The following MECOM variants were observed in gnomAD, a reference collection of about 807,000 sequenced individuals.
MECOM encodes histone-lysine N-methyltransferase MECOM.
MECOM carries 13 observed loss-of-function variants against 116.3 expected under a neutral mutation model. The observed-to-expected ratio is 0.11, with a 90% confidence interval of 0.07 to 0.18. The LOEUF (loss-of-function observed/expected upper bound fraction) is 0.18, where lower values mean the gene tolerates loss of function less well. MECOM is among the 10% of genes least tolerant of loss of function. MECOM has a pLI of 1.00. For synonymous variants in MECOM, 528 were observed against 535.2 expected (o/e 0.99, Z 0.19); for missense variants, 1,299 against 1,509.0 (o/e 0.86, Z 2.31).
chr3:169,445,985 C>T (rs965854937), intron 1 of MECOM, among the ~76,000 whole-genome samples: 5 of 152,142 alleles, frequency 3.3e-5, no homozygotes, highest in African/African-American at 1.2e-4. Context: ...ATACCTGTAC[C>T]CCCATTGTAG....
At position 169,494,756 on chromosome 3, in the gene MECOM, T is replaced by C. The variant is rs778835092; in HGVS notation, c.38-113232A>G. 1.6e-4 allele frequency among the ~76,000 whole-genome samples: 25 copies of C among 152,346 alleles called. No individual in the cohort carries two copies. The South Asian group carries it at 1.9e-3, about 11-fold the overall frequency. ...TTTGTAAAAGCTCCCAGTGTGGTGA[T>C]TCTGATTCATCTTTCTACTCCAAAC... On this transcript the variant is annotated intron_variant, in intron 1 of 16. Coordinates refer to ENST00000651503, the MANE Select transcript of MECOM (RefSeq NM_004991.4).
chr3:169,244,678 C>A (rs142949629), intron 2 of MECOM, among the ~76,000 whole-genome samples: 1 of 152,158 alleles, frequency 6.6e-6, no homozygotes, highest in Non-Finnish European at 1.5e-5. Context: ...ATTTGCAGAA[C>A]CTACCAGAGT....
rs1560341553 is a variant in MECOM at position 169,486,018 on chromosome 3, G to GCACA, written c.38-104495_38-104494insTGTG. On this transcript the variant is annotated intron_variant, in intron 1 of 16. Coordinates refer to ENST00000651503, the MANE Select transcript of MECOM (RefSeq NM_004991.4). ...ATGTATATATATACTATATATATAT[G>GCACA]TATATATAGTATATATATATATGTA... is the stretch of plus-strand genomic sequence containing the variant. Among the ~76,000 whole-genome samples the GCACA allele has an allele frequency of 6.1e-3, 612 of 99,994 alleles. 7 individuals are homozygous for GCACA. The highest frequency in any genetic ancestry group is 0.024 in the African/African-American group (582 of 24,752). 65.6% of individuals were successfully genotyped at this position (99,994 alleles called of 152,430 possible). A position where few individuals can be genotyped will look rare whatever the true frequency, so the allele number is the denominator to read the frequency against.
At chr3:169,550,165 T>C (rs1435647216) in intron 1 of MECOM, among the ~76,000 whole-genome samples, 1 of 152,172 alleles carries the variant, frequency 6.6e-6, no homozygotes, top group Admixed American at 6.5e-5. Flanking sequence ...TTACAGTTAT[T>C]ACAGTTTCTT....
At chr3:169,641,618 T>C (rs1773502023) in intron 1 of MECOM, among the ~76,000 whole-genome samples, 1 of 152,224 alleles carries the variant, frequency 6.6e-6, no homozygotes, top group Non-Finnish European at 1.5e-5. Context: ...TCAATACCAA[T>C]ATAAATGCCA....
intron 9 of MECOM, 122 bp downstream of exon 9, chr3:169,112,665 C>A: frequency 6.6e-6 from 5 of 755,662 alleles, no homozygotes; most frequent in Admixed American, 2.5e-5. Flanking sequence ...TTCCTGTGTT[C>A]TTCCACACCA....
Position 169,282,797 on chromosome 3 carries a change from G to T in MECOM, c.375+98390C>A, listed in dbSNP as rs558285901. Among the ~76,000 whole-genome samples the T allele has an allele frequency of 3.3e-5, 5 of 151,640 alleles. No homozygotes were observed. In the East Asian group the frequency reaches 9.7e-4, roughly 29 times the overall value. On this transcript the variant is annotated intron_variant, in intron 2 of 16. Coordinates refer to ENST00000651503, the MANE Select transcript of MECOM (RefSeq NM_004991.4). ...ATTTATTTATAAATTAATCAATTAT[G>T]CTACTGTACTAATATATAATATGAT...
chr3:169,196,224 T>C (rs1488430275), intron 2 of MECOM, among the ~76,000 whole-genome samples: 1 of 152,020 alleles, frequency 6.6e-6, no homozygotes, highest in Non-Finnish European at 1.5e-5. Context: ...GCATTTTATA[T>C]CTATATCTCA....
chr3:169,520,818 C>T (rs1757253459), intron 1 of MECOM, among the ~76,000 whole-genome samples: 1 of 152,026 alleles, frequency 6.6e-6, no homozygotes, highest in Non-Finnish European at 1.5e-5. Flanking sequence ...GAGTGTGTGA[C>T]TTAGTGGCTC....
chr3:169,483,208 T>TA (rs1161496321), intron 1 of MECOM, among the ~76,000 whole-genome samples: 1 of 130,390 alleles, frequency 7.7e-6, no homozygotes, highest in Admixed American at 7.4e-5. Flanking sequence ...TTTTATTTTT[T>TA]TTTTTTTTTT....
At chr3:169,313,310 T>C (rs749685219) in intron 2 of MECOM, among the ~76,000 whole-genome samples, 1 of 152,206 alleles carries the variant, frequency 6.6e-6, no homozygotes, top group Non-Finnish European at 1.5e-5. Flanking sequence ...TGCAGTGTTT[T>C]GCTCTAAAGA....
chr3:169,400,625 T>C (rs773204957), intron 1 of MECOM, among the ~76,000 whole-genome samples: 34 of 152,218 alleles, frequency 2.2e-4, no homozygotes, highest in Non-Finnish European at 4.0e-4. Flanking sequence ...CTCCTGTTTT[T>C]GATTCCTGCA....
chr3:169,564,708 T>A (rs1256177390), intron 1 of MECOM, among the ~76,000 whole-genome samples: 1 of 152,222 alleles, frequency 6.6e-6, no homozygotes, highest in Non-Finnish European at 1.5e-5. Context: ...AATCTCCATT[T>A]TTTTCCTCTG....
intron 1 of MECOM, among the ~76,000 whole-genome samples, chr3:169,556,207 A>T (rs1316883702): frequency 6.6e-6 from 1 of 152,188 alleles, no homozygotes; most frequent in Non-Finnish European, 1.5e-5. Context: ...TACAACAAGG[A>T]CATGTATTTT....
chr3:169,354,111 G>C (rs958405432), intron 2 of MECOM, among the ~76,000 whole-genome samples: 1 of 151,750 alleles, frequency 6.6e-6, no homozygotes, highest in Admixed American at 6.6e-5. Context: ...TTTCCATTGA[G>C]AGTGGAATTA....
In MECOM at chr3:169,131,502, C is replaced by A; in HGVS notation, c.540G>T (p.Ala180=). The A allele has an allele frequency of 6.2e-7, 1 of 1,613,530 alleles. No homozygotes were observed. Among genetic ancestry groups the A allele is most frequent in the South Asian group, 1.1e-5 (1 of 91,016 alleles). The change falls in exon 4 of 17, where the codon GCG becomes GCT. Residue 180 remains alanine, a synonymous_variant. Coordinates refer to ENST00000651503, the MANE Select transcript of MECOM (RefSeq NM_004991.4). ...TGAACAGCAGAAGCTCCTCTCCCGG[C>A]GCAATGTCTGCAACTACTCTATAGA... is the stretch of plus-strand genomic sequence containing the variant. ...QIFYRVVADI[A]PGEELLLFMK...
At chr3:169,328,294 T>C (rs1436562491) in intron 2 of MECOM, among the ~76,000 whole-genome samples, 2 of 152,208 alleles carry the variant, frequency 1.3e-5, no homozygotes, top group Non-Finnish European at 2.9e-5. Flanking sequence ...ATGAAGTAAC[T>C]GCATTTATTT....
chr3:169,233,580 G>A (rs1008739711), intron 2 of MECOM, among the ~76,000 whole-genome samples: 11 of 152,014 alleles, frequency 7.2e-5, no homozygotes, highest in African/African-American at 1.7e-4. Flanking sequence ...CCAGTTGTGC[G>A]CAGATAAGCA....
intron 1 of MECOM, among the ~76,000 whole-genome samples, chr3:169,649,652 A>G (rs756694896): frequency 6.6e-6 from 1 of 152,186 alleles, no homozygotes; most frequent in Non-Finnish European, 1.5e-5. Context: ...ATAACTATTC[A>G]TTAATTCAAT....
Sources: gnomAD v4.1 joint callset for allele counts (sites outside exome capture counted in the v4.1 genomes callset) on GRCh38, gnomAD v4.1.1 for gene constraint, MANE v1.5 for transcripts, NCBI Gene and HGNC (gene_info 2026-07-23, HGNC 2026-07-21) for gene names.